Variants in ANKRD18B observed in about 807,000 individuals in gnomAD.
The protein encoded by ANKRD18B is ankyrin repeat domain-containing protein 18B.
Under a neutral mutation model 111.8 loss-of-function variants are expected in ANKRD18B, and 75 were observed. The observed-to-expected ratio is 0.67, with a 90% CI of 0.56 to 0.81. The LOEUF (loss-of-function observed/expected upper bound fraction) is 0.81. Among genes scored for constraint, ANKRD18B ranks in the 40% least tolerant of loss-of-function variants. The pLI is 0.00. For synonymous variants in ANKRD18B, 356 were observed against 417.3 expected (o/e 0.85, Z 1.79); for missense variants, 1,038 against 1,225.5 (o/e 0.85, Z 2.28).
intron 12 of ANKRD18B, among the ~76,000 whole-genome samples, chr9:33,554,099 G>GA (rs1473181080): frequency 1.5e-5 from 2 of 135,796 alleles, no homozygotes; most frequent in Non-Finnish European, 3.2e-5. Context: ...ATAAGAAAAA[G>GA]AAAAAACGGA....
intron 1 of ANKRD18B, among the ~76,000 whole-genome samples, chr9:33,525,217 G>C (rs1286434487): frequency 6.6e-6 from 1 of 152,104 alleles, no homozygotes; most frequent in African/African-American, 2.4e-5. Flanking sequence ...GACACTTGCT[G>C]TCTGTCTTAC....
At chr9:33,573,584 G>A (rs534423542), downstream of ANKRD18B, among the ~76,000 whole-genome samples, 46 of 145,176 alleles carry the variant, frequency 3.2e-4, 3 homozygotes, top group African/African-American at 1.0e-3. Context: ...TGCGGGGTGA[G>A]TGTGAAGCTG....
chr9:33,541,263 A>G (rs1365294164), intron 9 of ANKRD18B, 36 bp downstream of exon 9: 4 of 1,526,756 alleles, frequency 2.6e-6, no homozygotes, highest in Non-Finnish European at 3.5e-6. Flanking sequence ...TTAACCATGT[A>G]AAGAGACTGG....
At chr9:33,568,090 C>G (rs572622660) in intron 16 of ANKRD18B, among the ~76,000 whole-genome samples, 1 of 152,266 alleles carries the variant, frequency 6.6e-6, no homozygotes, top group South Asian at 2.1e-4. Flanking sequence ...CTGAGTTATT[C>G]CTCAGTGCCA....
chr9:33,524,619 A>G lies in ANKRD18B; in HGVS notation c.130A>G (p.Lys44Glu). Residue 44 changes from lysine (K) to glutamate (E), a missense_variant, in exon 1 of 19, where the codon AAG (lysine) becomes GAG (glutamate). Transcript: ENST00000684830. ...ELRKIHRAAIKGDAAEVEHCL... is the reference protein window; with the variant it reads ...ELRKIHRAAIEGDAAEVEHCL... ...GCGGAAGATCCACAGGGCGGCCATC[A>G]AGGGCGACGCCGCAGAGGTGGAGCA... is the stretch of plus-strand genomic sequence containing the variant. 1.3e-6 allele frequency: 2 copies of G among 1,551,604 alleles called. No individual in the cohort carries two copies. Among genetic ancestry groups the G allele is most frequent in the South Asian group, 2.4e-5 (2 of 84,052 alleles).
chr9:33,563,930 T>C (rs189233695), intron 14 of ANKRD18B, among the ~76,000 whole-genome samples: 1 of 152,362 alleles, frequency 6.6e-6, no homozygotes, highest in East Asian at 1.9e-4. Context: ...TCCCCTCTCC[T>C]ACTTCTATGA....
intron 14 of ANKRD18B, among the ~76,000 whole-genome samples, chr9:33,558,635 G>A (rs1239430199): frequency 6.6e-6 from 1 of 152,084 alleles, no homozygotes; most frequent in Non-Finnish European, 1.5e-5. Flanking sequence ...TTGCTATTGT[G>A]AATAGTGCTG....
chr9:33,559,054 T>C (rs1438478450), intron 14 of ANKRD18B, among the ~76,000 whole-genome samples: 2 of 152,204 alleles, frequency 1.3e-5, no homozygotes, highest in African/African-American at 2.4e-5. Context: ...AAACAAAATC[T>C]GTTGTCTAAA....
chr9:33,544,708 A>G (rs974563861), intron 10 of ANKRD18B, among the ~76,000 whole-genome samples: 1 of 152,070 alleles, frequency 6.6e-6, no homozygotes, highest in Non-Finnish European at 1.5e-5. Flanking sequence ...GTGGTGGTGC[A>G]TGCCTGTAAT....
chr9:33,534,799 A>C (rs1195252340), intron 5 of ANKRD18B, among the ~76,000 whole-genome samples: 2 of 148,022 alleles, frequency 1.4e-5, no homozygotes, highest in Admixed American at 1.3e-4. Context: ...ATAATGTCAC[A>C]TCTTTTACTT....
At chr9:33,551,198 A>G (rs1010485141) in intron 12 of ANKRD18B, among the ~76,000 whole-genome samples, 2 of 152,222 alleles carry the variant, frequency 1.3e-5, no homozygotes. Context: ...GAGCTCAGAA[A>G]ATTATCTGGA....
chr9:33,535,580 C>T (rs1828185601), intron 5 of ANKRD18B, among the ~76,000 whole-genome samples: 1 of 151,286 alleles, frequency 6.6e-6, no homozygotes, highest in Admixed American at 6.6e-5. Context: ...AGCCACCACA[C>T]CCGGCCCACA....
At chr9:33,533,260 G>C (rs571541530) in intron 3 of ANKRD18B, among the ~76,000 whole-genome samples, 179 bp from the exon 4 acceptor site, 1 of 152,334 alleles carries the variant, frequency 6.6e-6, no homozygotes, top group East Asian at 1.9e-4. Flanking sequence ...GGAGGCAGAG[G>C]AGGGGTGTTT....
intron 3 of ANKRD18B, among the ~76,000 whole-genome samples, chr9:33,530,614 C>T (rs2477410): frequency 0.081 from 12,299 of 151,720 alleles, 575 homozygotes; most frequent in East Asian, 0.13. Flanking sequence ...TATAAATTCC[C>T]GTATCTCAAA....
chr9:33,547,982 T>G lies in ANKRD18B; in HGVS notation c.1194T>G (p.Asn398Lys). The G allele has an allele frequency of 6.8e-7, 1 of 1,467,440 alleles. No homozygotes were observed. Among genetic ancestry groups the G allele is most frequent in the Non-Finnish European group, 9.0e-7 (1 of 1,109,644 alleles). The allele number at this position is 1,467,440 out of a possible 1,614,324, so 90.9% of individuals were successfully genotyped here. A position where few individuals can be genotyped will look rare whatever the true frequency, so the allele number is the denominator to read the frequency against. ...YGKKKDEMFG[N>K]FMLKRDIAML... ...AAAAGAAGGATGAGATGTTTGGAAA[T>G]TTTATGTTGAAGAGAGACATTGCCA... Residue 398 changes from asparagine (N) to lysine (K), a missense_variant, in exon 11 of 19, where the codon AAT (asparagine) becomes AAG (lysine). Transcript: ENST00000684830.
rs1280627016 is a variant in ANKRD18B at position 33,548,201 on chromosome 9, G to C, written c.1413G>C (p.Arg471Ser). ...ATGATCTGAAAGCTGAGAATGCAAG[G>C]CTGAATTCAAAATTGGAGAAGGAAA... is the stretch of plus-strand genomic sequence containing the variant. ...QLNDLKAENA[R>S]LNSKLEKEKH... Residue 471 changes from arginine (R) to serine (S), a missense_variant, in exon 11 of 19, where the codon AGG becomes AGC. Physicochemically the swap from Arg to Ser is moderately radical, Grantham distance 110. Coordinates refer to ENST00000684830, the MANE Select transcript of ANKRD18B (RefSeq NM_001393611.1). The C allele has an allele frequency of 1.9e-6, 3 of 1,550,112 alleles. No homozygotes were observed. Among genetic ancestry groups the C allele is most frequent in the Non-Finnish European group, 2.6e-6 (3 of 1,146,416 alleles).
chr9:33,537,939 A>C (rs1828224818), intron 6 of ANKRD18B, among the ~76,000 whole-genome samples: 1 of 152,234 alleles, frequency 6.6e-6, no homozygotes, highest in African/African-American at 2.4e-5. Context: ...GAATCCTCCC[A>C]AAAGTCTTCA....
At chr9:33,532,135 G>A (rs1828126624) in intron 3 of ANKRD18B, among the ~76,000 whole-genome samples, 1 of 152,128 alleles carries the variant, frequency 6.6e-6, no homozygotes, top group Non-Finnish European at 1.5e-5. Context: ...TTGGGAGGCT[G>A]AGGCAGGAGA....
At chr9:33,551,935 T>G (rs995435372) in intron 12 of ANKRD18B, among the ~76,000 whole-genome samples, 1 of 152,236 alleles carries the variant, frequency 6.6e-6, no homozygotes. Flanking sequence ...ATCTCAGCAC[T>G]TGTTGCCCAG....
Sources: gnomAD v4.1 joint callset for allele counts (sites outside exome capture counted in the v4.1 genomes callset) on GRCh38, gnomAD v4.1.1 for gene constraint, MANE v1.5 for transcripts, NCBI Gene and HGNC (gene_info 2026-07-23, HGNC 2026-07-21) for gene names.